NCAPG2: variants seen among roughly 807,000 people sequenced by gnomAD.
NCAPG2 encodes non-SMC condensin II complex subunit G2, also known as condensin-2 complex subunit G2.
In NCAPG2, 53 loss-of-function variants were observed where a neutral mutation model predicts 141.1. The observed-to-expected ratio is 0.38, with a 90% CI of 0.30 to 0.47. The LOEUF is 0.47. NCAPG2 is among the 20% of genes least tolerant of loss of function. The pLI is 0.99. For missense variants in NCAPG2, 1,087 were observed against 1,389.0 expected (o/e 0.78, Z 3.46); for synonymous variants, 499 against 490.7 (o/e 1.02, Z -0.22).
intron 25 of NCAPG2, among the ~76,000 whole-genome samples, chr7:158,646,100 C>T (rs766252177): frequency 1.2e-4 from 19 of 152,232 alleles, no homozygotes; most frequent in South Asian, 4.1e-4. Context: ...GCGTATTCAA[C>T]GAAAATGGCA....
intron 1 of NCAPG2, chr7:158,702,236 C>T (rs1372678773): frequency 4.8e-6 from 1 of 207,160 alleles, no homozygotes; most frequent in East Asian, 1.5e-4. Flanking sequence ...ACCATCTCTC[C>T]CTTTTTAGTA....
In NCAPG2 at chr7:158,668,214, C is replaced by CCGTTACCCACTACTGGGTCCCTCCGCCCG. The variant is rs1833352919; in HGVS notation, c.1479+3299_1479+3300insCGGGCGGAGGGACCCAGTAGTGGGTAACG. The CCGTTACCCACTACTGGGTCCCTCCGCCCG allele has an allele frequency of 1.8e-5, 3 of 168,240 alleles. No individual in the cohort carries two copies. In the African/African-American group the frequency reaches 1.9e-4, roughly 11 times the overall value. The allele number at this position is 168,240 out of a possible 1,614,324, so 10.4% of individuals were successfully genotyped here. On this transcript the variant is annotated intron_variant, in intron 13 of 27. Coordinates refer to ENST00000356309, the MANE Select transcript of NCAPG2 (RefSeq NM_017760.7). ...TACCGACCCTGGGTCCCTCCGCCCC[C>CCGTTACCCACTACTGGGTCCCTCCGCCCG]CCTTACCCACTACTGGGTCCCTCTG... is the stretch of plus-strand genomic sequence containing the variant.
rs116944113 is a variant in NCAPG2, at chr7:158,666,452, T to C, written c.1480-1702A>G. The stretch of plus-strand genomic sequence containing the variant: ...ACCAAGTGCCTGAGCCACTATTTAC[T>C]GTATTTTTGAAACCACCCCCAGCAT... On this transcript the variant is annotated intron_variant, in intron 13 of 27. Coordinates refer to ENST00000356309, the MANE Select transcript of NCAPG2 (RefSeq NM_017760.7). Among the ~76,000 whole-genome samples the C allele has an allele frequency of 8.5e-4, 129 of 152,196 alleles. 1 individual carries two copies. The highest frequency in any genetic ancestry group is 1.6e-3 in the Non-Finnish European group (107 of 68,004).
chr7:158,691,352 C>T (rs911225738), intron 4 of NCAPG2, among the ~76,000 whole-genome samples: 4 of 152,214 alleles, frequency 2.6e-5, no homozygotes, highest in African/African-American at 9.7e-5. Context: ...AATCATTTCA[C>T]TAGTTATTTG....
At chr7:158,686,140 A>T in intron 8 of NCAPG2, 32 bp downstream of exon 8, 9 of 1,289,196 alleles carry the variant, frequency 7.0e-6, no homozygotes, top group Non-Finnish European at 7.5e-6. Flanking sequence ...TATAATAAAA[A>T]TAAGTGTTAA....
At chr7:158,658,722 C>T (rs1464264911) in intron 16 of NCAPG2, among the ~76,000 whole-genome samples, 1 of 152,132 alleles carries the variant, frequency 6.6e-6, no homozygotes, top group East Asian at 1.9e-4. Context: ...AAATCATATG[C>T]TGTCATGAAT....
intron 27 of NCAPG2, among the ~76,000 whole-genome samples, chr7:158,636,361 T>C (rs1248098078): frequency 6.6e-6 from 1 of 152,056 alleles, no homozygotes; most frequent in East Asian, 1.9e-4. Flanking sequence ...CACTATTCTA[T>C]ATCCAAATAA....
chr7:158,677,828 T>C (rs1005978091), intron 11 of NCAPG2, among the ~76,000 whole-genome samples: 42 of 152,154 alleles, frequency 2.8e-4, no homozygotes, highest in African/African-American at 8.2e-4. Flanking sequence ...TTTTCTTTTT[T>C]GAAACAGGGT....
At chr7:158,648,867 G>C (rs75241600) in intron 24 of NCAPG2, among the ~76,000 whole-genome samples, 675 of 28,376 alleles carry the variant, frequency 0.024, 2 homozygotes, top group East Asian at 0.089. Flanking sequence ...TACAACCACG[G>C]CAAATGGACT....
intron 13 of NCAPG2, chr7:158,667,017 A>C (rs1833014728): frequency 1.7e-6 from 1 of 572,350 alleles, no homozygotes; most frequent in Non-Finnish European, 2.2e-6. Context: ...CTGCCCATAG[A>C]CAATGCCCTC....
At chr7:158,677,239 CA>C (rs1834114339) in intron 11 of NCAPG2, among the ~76,000 whole-genome samples, 3 of 152,196 alleles carry the variant, frequency 2.0e-5, no homozygotes, top group African/African-American at 7.2e-5. Flanking sequence ...TCCAGAAAAG[CA>C]AAAGAAGGAA....
intron 13 of NCAPG2, among the ~76,000 whole-genome samples, chr7:158,670,705 C>T (rs1833630562): frequency 6.6e-6 from 1 of 152,200 alleles, no homozygotes; most frequent in Non-Finnish European, 1.5e-5. Context: ...TGCTTTTATA[C>T]TTCCATATCT....
chr7:158,642,368 T>C (rs1287463948), intron 27 of NCAPG2, among the ~76,000 whole-genome samples: 4 of 152,056 alleles, frequency 2.6e-5, no homozygotes, highest in Non-Finnish European at 5.9e-5. Context: ...AGACCCCATC[T>C]CTGCAAAAAA....
At position 158,662,306 on chromosome 7, in the gene NCAPG2, A is replaced by G; in HGVS notation, c.1877T>C (p.Ile626Thr). 1 of 1,609,864 alleles carries G rather than the reference A, an allele frequency of 6.2e-7. No individual in the cohort carries two copies. Among genetic ancestry groups the G allele is most frequent in the South Asian group, 1.1e-5 (1 of 89,526 alleles). ...VACMAGLLEI[I>T]VILWKSIDRS... ...GTCAATACTTTTCCAGAGAATCACA[A>G]TGATTTCTAGTAAACCTGCCATGCA... Residue 626 changes from isoleucine to threonine, a missense_variant, in exon 16 of 28, where the codon ATT (isoleucine) becomes ACT (threonine). Transcript: ENST00000356309.
Position 158,650,907 on chromosome 7 carries a change from G to A in NCAPG2, c.3000C>T (p.Asp1000=). The change falls in exon 24 of 28, where the codon GAC becomes GAT. Residue 1000 remains aspartate (D), a synonymous_variant. Coordinates refer to ENST00000356309, the MANE Select transcript of NCAPG2 (RefSeq NM_017760.7). ...AAAGTACACCCCGGTGCACAGGGGT[G>A]TCTGTGTGCCGAGACTGAACAGCAG... The part of the protein sequence containing the change: ...FITAVQSRHT[D]TPVHRGVLST... 6.2e-7 allele frequency: 1 copy of A among 1,613,882 alleles called. No homozygotes were observed. The highest frequency in any genetic ancestry group is 8.5e-7 in the Non-Finnish European group (1 of 1,179,872).
chr7:158,651,919 C>T (rs980991454), intron 23 of NCAPG2, among the ~76,000 whole-genome samples: 7 of 152,100 alleles, frequency 4.6e-5, no homozygotes, highest in Non-Finnish European at 1.0e-4. Context: ...ATTTGGAAAA[C>T]TCTGTGAACT....
At chr7:158,685,869 G>A (rs1834725705) in intron 8 of NCAPG2, among the ~76,000 whole-genome samples, 1 of 152,084 alleles carries the variant, frequency 6.6e-6, no homozygotes, top group Admixed American at 6.6e-5. Context: ...TTTGAAATCT[G>A]GTATGTTTCT....
At chr7:158,673,447 C>T (rs180688860) in intron 12 of NCAPG2, among the ~76,000 whole-genome samples, 8 of 152,290 alleles carry the variant, frequency 5.3e-5, no homozygotes, top group Admixed American at 4.6e-4. Flanking sequence ...TTCTTCTTCC[C>T]GGGCAGCCAG....
chr7:158,693,231 T>C, intron 3 of NCAPG2, 78 bp downstream of exon 3: 1 of 1,433,150 alleles, frequency 7.0e-7, no homozygotes, highest in Non-Finnish European at 9.6e-7. Context: ...TAATGTAAAA[T>C]TCAATGATAC....
Sources: gnomAD v4.1 joint callset for allele counts (sites outside exome capture counted in the v4.1 genomes callset) on GRCh38, gnomAD v4.1.1 for gene constraint, MANE v1.5 for transcripts, NCBI Gene and HGNC (gene_info 2026-07-23, HGNC 2026-07-21) for gene names.